SYPL2: variants seen among roughly 807,000 people sequenced by gnomAD.
The protein encoded by SYPL2 is synaptophysin-like protein 2.
SYPL2 carries 24 observed loss-of-function variants against 31.3 expected under a neutral mutation model. That is an observed-to-expected ratio of 0.77 (90% confidence interval 0.56 to 1.08). The LOEUF is 1.08. Ranked by LOEUF, SYPL2 falls within the 50% of genes least tolerant of loss-of-function variation. The probability of loss-of-function intolerance (pLI) is 0.00; values close to 1 mark genes in which losing one functional copy is unlikely to be tolerated. For missense variants in SYPL2, 342 were observed against 360.1 expected (o/e 0.95, Z 0.41); for synonymous variants, 144 against 143.1 (o/e 1.01, Z -0.05).
rs1656013205 is a variant in SYPL2 at position 109,476,827 on chromosome 1, C to G, written c.306C>G (p.Ser102=). The part of the protein sequence containing the change: ...EMPLCDEESS[S]KTMHLMGDFS... ...CCCTCTGCGATGAAGAGTCCAGCTCCAAGACCATGCACCTCATGGGGGACT... is the reference window on the plus strand; with the variant it reads ...CCCTCTGCGATGAAGAGTCCAGCTCGAAGACCATGCACCTCATGGGGGACT... Residue 102 remains serine (S), a synonymous_variant, in exon 4 of 6, where the codon TCC becomes TCG. Coordinates refer to ENST00000369872, the MANE Select transcript of SYPL2 (RefSeq NM_001040709.2). 6.2e-7 allele frequency: 1 copy of G among 1,614,196 alleles called. No individual in the cohort carries two copies. The highest frequency in any genetic ancestry group is 8.5e-7 in the Non-Finnish European group (1 of 1,180,036).
At chr1:109,471,893 T>C (rs1343174304) in intron 2 of SYPL2, among the ~76,000 whole-genome samples, 2 of 151,672 alleles carry the variant, frequency 1.3e-5, no homozygotes, top group Non-Finnish European at 2.9e-5. Flanking sequence ...TTGGTAGAGA[T>C]GGAGTCTTGC....
intron 2 of SYPL2, among the ~76,000 whole-genome samples, chr1:109,467,988 T>G (rs1228809690): frequency 6.6e-6 from 1 of 152,222 alleles, no homozygotes; most frequent in African/African-American, 2.4e-5. Context: ...AGGTTAGACT[T>G]ACTTTGTGAC....
Position 109,466,869 on chromosome 1 carries a change from G to A in SYPL2, c.26G>A (p.Arg9His). ...ATGTCCTCGACCGAGAGCGCCGGCC[G>A]CACGGCGGACAAGTCGCCGCGCCAG... MSSTESAG[R>H]TADKSPRQQV... The change falls in exon 1 of 6, where the codon CGC becomes CAC. Residue 9 changes from arginine (R) to histidine (H), a missense_variant. Coordinates refer to ENST00000369872, the MANE Select transcript of SYPL2 (RefSeq NM_001040709.2). The A allele has an allele frequency of 6.5e-7, 1 of 1,528,438 alleles. No homozygotes were observed. The allele number at this position is 1,528,438 out of a possible 1,614,324, so 94.7% of individuals were successfully genotyped here.
At position 109,467,154 on chromosome 1, in the gene SYPL2, C is replaced by G. The variant is rs758000399; in HGVS notation, c.129+21C>G. 5 of 1,524,282 alleles carry G rather than the reference C, an allele frequency of 3.3e-6. No individual in the cohort carries two copies. In the South Asian group the frequency reaches 6.0e-5, roughly 18 times the overall value. 94.4% of individuals were successfully genotyped at this position (1,524,282 alleles called of 1,614,324 possible). On this transcript the variant is annotated intron_variant, in intron 2 of 5. Coordinates refer to ENST00000369872, the MANE Select transcript of SYPL2 (RefSeq NM_001040709.2). ...AGTGGGTGAGTCGCTGCCCCGGCCC[C>G]GGGCTATTTCGGGAGCCTGGGCTGT...
intron 4 of SYPL2, among the ~76,000 whole-genome samples, chr1:109,477,302 T>C (rs901796652): frequency 1.4e-4 from 22 of 152,138 alleles, no homozygotes; most frequent in African/African-American, 5.3e-4. Flanking sequence ...GCTTCATAGT[T>C]TTGTGTGTGT....
At position 109,478,213 on chromosome 1, in the gene SYPL2, C is replaced by T; in HGVS notation, c.648+204C>T. 8.4e-7 allele frequency: 1 copy of T among 1,190,208 alleles called. No homozygotes were observed. The allele number at this position is 1,190,208 out of a possible 1,614,324, so 73.7% of individuals were successfully genotyped here. ...TTTTGGGATGAGGGGAACCCAAAAGCCACTTAGCCTTCTGTTCCTTCCTCC... is the reference window on the plus strand; with the variant it reads ...TTTTGGGATGAGGGGAACCCAAAAGTCACTTAGCCTTCTGTTCCTTCCTCC... On this transcript the variant is annotated intron_variant, in intron 5 of 5. Transcript: ENST00000369872. The surrounding 1 kb of genome is among the most constrained non-coding windows in gnomAD (Gnocchi z 4.0).
At chr1:109,472,966 C>A (rs1309022887) in intron 2 of SYPL2, among the ~76,000 whole-genome samples, 4 of 152,076 alleles carry the variant, frequency 2.6e-5, no homozygotes, top group African/African-American at 9.7e-5. Flanking sequence ...TGACTAACTG[C>A]CAACGGGTAA....
At chr1:109,479,236 C>T (rs1038763773) in intron 5 of SYPL2, 142 bp from the exon 6 acceptor site, 35 of 894,772 alleles carry the variant, frequency 3.9e-5, no homozygotes, top group Middle Eastern at 6.2e-4. Context: ...GCCTCTATAC[C>T]GAGCTCTCTG....
At chr1:109,472,292 G>A (rs77833191) in intron 2 of SYPL2, among the ~76,000 whole-genome samples, 27 of 151,334 alleles carry the variant, frequency 1.8e-4, no homozygotes, top group African/African-American at 6.5e-4. Context: ...AATTTTTCTT[G>A]GCTAAATAAA....
intron 2 of SYPL2, among the ~76,000 whole-genome samples, chr1:109,474,897 C>G (rs966831951): frequency 4.6e-5 from 7 of 152,228 alleles, no homozygotes; most frequent in African/African-American, 1.7e-4. Context: ...TTTCTCTGGG[C>G]TTGAGCCAAG....
intron 2 of SYPL2, among the ~76,000 whole-genome samples, chr1:109,471,429 C>T (rs1227021742): frequency 6.6e-6 from 1 of 152,178 alleles, no homozygotes; most frequent in Non-Finnish European, 1.5e-5. Flanking sequence ...AAGCATGATT[C>T]AGGATTGTCA....
At chr1:109,468,217 T>G (rs1380803596) in intron 2 of SYPL2, among the ~76,000 whole-genome samples, 2 of 152,206 alleles carry the variant, frequency 1.3e-5, no homozygotes, top group African/African-American at 4.8e-5. Context: ...CCAAATGGTG[T>G]GTGAATAACT....
In SYPL2 at chr1:109,473,244, C is replaced by G. The variant is rs1189928342; in HGVS notation, c.130-2337C>G. On this transcript the variant is annotated intron_variant, in intron 2 of 5. Transcript: ENST00000369872. ...CTGTGAAGAAGGCGGGCAGACAGGG[C>G]TCTACTGCAGTCTTCATCATTTAAT... is the stretch of plus-strand genomic sequence containing the variant. Among the ~76,000 whole-genome samples the G allele has an allele frequency of 2.6e-5, 4 of 152,306 alleles. No homozygotes were observed. The East Asian group carries it at 7.7e-4, about 29-fold the overall frequency.
Position 109,477,990 on chromosome 1 carries a change from G to C in SYPL2, c.629G>C (p.Gly210Ala), listed in dbSNP as rs769892359. Residue 210 changes from glycine (G) to alanine (A), a missense_variant, in exon 5 of 6, where the codon GGC becomes GCC. Transcript: ENST00000369872. ...AGTGCCGGGGCCACGCCCTCTATGG[G>C]CCTGGCCAACATCTCCGTGGTGAGA... ...VCSAGATPSM[G>A]LANISVLFGF... The C allele has an allele frequency of 1.2e-6, 2 of 1,614,182 alleles. No individual in the cohort carries two copies. Among genetic ancestry groups the C allele is most frequent in the South Asian group, 1.1e-5 (1 of 91,082 alleles).
chr1:109,466,959 C>T, intron 1 of SYPL2, 62 bp downstream of exon 1: 1 of 1,534,724 alleles, frequency 6.5e-7, no homozygotes, highest in Non-Finnish European at 8.7e-7. Context: ...GGGCTGCACA[C>T]TTATCCCACC....
intron 4 of SYPL2, among the ~76,000 whole-genome samples, 191 bp downstream of exon 4, chr1:109,477,168 G>T (rs1048840242): frequency 2.6e-5 from 4 of 152,154 alleles, no homozygotes; most frequent in African/African-American, 9.7e-5. Context: ...GCAGGCTCTG[G>T]AGTTAGACTG....
Position 109,481,658 on chromosome 1 carries a change from A to AG in SYPL2, c.*2112dup, listed in dbSNP as rs1436779060. ...CCAGCCCAGGACTCTCTTTAGAGCA[A>AG]GGAAGCCTCGTTCTCTTTCTTCTCA... On this transcript the variant is annotated 3_prime_UTR_variant, in exon 6 of 6. Coordinates refer to ENST00000369872, the MANE Select transcript of SYPL2 (RefSeq NM_001040709.2). The AG allele has an allele frequency of 6.6e-6, 1 of 151,938 alleles. No individual in the cohort carries two copies. The highest frequency in any genetic ancestry group is 1.9e-4 in the East Asian group (1 of 5,142). 9.4% of individuals were successfully genotyped at this position (151,938 alleles called of 1,614,324 possible).
chr1:109,476,542 G>A (rs1287921977), intron 3 of SYPL2, among the ~76,000 whole-genome samples: 1 of 152,194 alleles, frequency 6.6e-6, no homozygotes, highest in African/African-American at 2.4e-5. Flanking sequence ...TGTCTGGGCA[G>A]GGTAGATGAG....
At position 109,482,092 on chromosome 1, in the gene SYPL2, A is replaced by G. The variant is rs1268635342; in HGVS notation, c.*2544A>G. 2 of 152,556 alleles carry G rather than the reference A, an allele frequency of 1.3e-5. No individual in the cohort carries two copies. The highest frequency in any genetic ancestry group is 4.8e-5 in the African/African-American group (2 of 41,416). The allele number at this position is 152,556 out of a possible 1,614,324, so 9.5% of individuals were successfully genotyped here. ...TGCATGTTGTTTTCTGGTGCTTGTT[A>G]TTATATATTTGAATAAACAGTGCTG... On this transcript the variant is annotated 3_prime_UTR_variant, in exon 6 of 6. Transcript: ENST00000369872.
Sources: gnomAD v4.1 joint callset for allele counts (sites outside exome capture counted in the v4.1 genomes callset) on GRCh38, gnomAD v4.1.1 for gene constraint, Gnocchi (gnomAD v3.1) non-coding constraint, MANE v1.5 for transcripts, NCBI Gene and HGNC (gene_info 2026-07-23, HGNC 2026-07-21) for gene names.